GPC6: variants seen among roughly 807,000 people sequenced by gnomAD.
The protein encoded by GPC6 is glypican-6.
In GPC6, 14 loss-of-function variants were observed where a neutral mutation model predicts 55.2. The observed-to-expected ratio is 0.25, with a 90% CI of 0.17 to 0.40. The LOEUF (loss-of-function observed/expected upper bound fraction) is 0.40. Among genes scored for constraint, GPC6 ranks in the 10% least tolerant of loss-of-function variants. The pLI is 1.00. For missense variants in GPC6, 641 were observed against 708.5 expected (o/e 0.90, Z 1.08); for synonymous variants, 278 against 259.6 (o/e 1.07, Z -0.68).
chr13:93,680,042 T>G (rs939080478), intron 2 of GPC6, among the ~76,000 whole-genome samples: 1 of 152,132 alleles, frequency 6.6e-6, no homozygotes, highest in Non-Finnish European at 1.5e-5. Flanking sequence ...GGGACTCTTA[T>G]GGGTTGAATC....
intron 2 of GPC6, among the ~76,000 whole-genome samples, chr13:93,702,801 C>G (rs565827457): frequency 1.3e-3 from 205 of 152,044 alleles, no homozygotes; most frequent in African/African-American, 4.8e-3. Flanking sequence ...GTGTAACCTC[C>G]TCACCTCTCT....
chr13:94,164,058 G>C (rs1454149445), intron 4 of GPC6, among the ~76,000 whole-genome samples: 1 of 152,096 alleles, frequency 6.6e-6, no homozygotes, highest in Non-Finnish European at 1.5e-5. Context: ...GAGAAACAAA[G>C]AAGAAAAATA....
intron 2 of GPC6, among the ~76,000 whole-genome samples, chr13:93,590,778 A>C (rs1293904337): frequency 6.6e-6 from 1 of 152,154 alleles, no homozygotes; most frequent in Non-Finnish European, 1.5e-5. Flanking sequence ...AAACTTTGTA[A>C]GCCTTTAACA....
At chr13:93,830,585 GT>G in intron 3 of GPC6, 40 bp downstream of exon 3, 1 of 432,990 alleles carries the variant, frequency 2.3e-6, no homozygotes, top group Non-Finnish European at 3.7e-6. Context: ...GGTGTTCCTT[GT>G]TTATTCTGTT....
chr13:93,523,040 TAC>T (rs549435033), intron 1 of GPC6, among the ~76,000 whole-genome samples: 183 of 150,068 alleles, frequency 1.2e-3, no homozygotes, highest in East Asian at 4.9e-3. Context: ...TACAAATACA[TAC>T]ACACACACAC....
intron 4 of GPC6, among the ~76,000 whole-genome samples, chr13:94,043,787 C>A (rs548315431): frequency 1.3e-5 from 2 of 151,568 alleles, no homozygotes; most frequent in East Asian, 3.9e-4. Flanking sequence ...ATATATTGAC[C>A]AGCGAGAGCA....
intron 1 of GPC6, among the ~76,000 whole-genome samples, chr13:93,467,805 G>A (rs1452182999): frequency 2.6e-5 from 4 of 151,666 alleles, no homozygotes; most frequent in Non-Finnish European, 5.9e-5. Context: ...TGCACAGGCT[G>A]GTCTCGAATT....
At position 93,653,824 on chromosome 13, in the gene GPC6, A is replaced by T. The variant is rs563876880; in HGVS notation, c.319+108403A>T. 1.3e-3 allele frequency among the ~76,000 whole-genome samples: 203 copies of T among 152,286 alleles called. 1 individual carries two copies. Among genetic ancestry groups the T allele is most frequent in the African/African-American group, 4.7e-3 (197 of 41,552 alleles). Reference sequence around the variant, plus strand: ...ATTGTCAAGTAATAAAAATAGTTTTAGTTACTTATAATTTTACCTCAAAGA... The same window carrying T: ...ATTGTCAAGTAATAAAAATAGTTTTTGTTACTTATAATTTTACCTCAAAGA... On this transcript the variant is annotated intron_variant, in intron 2 of 8. Transcript: ENST00000377047.
chr13:93,685,894 T>C (rs1214947220), intron 2 of GPC6, among the ~76,000 whole-genome samples: 1 of 152,182 alleles, frequency 6.6e-6, no homozygotes, highest in Non-Finnish European at 1.5e-5. Flanking sequence ...TTTCAGATTA[T>C]GAATTTTGGA....
chr13:93,508,552 G>A (rs1880820719), intron 1 of GPC6, among the ~76,000 whole-genome samples: 1 of 152,192 alleles, frequency 6.6e-6, no homozygotes, highest in Non-Finnish European at 1.5e-5. Flanking sequence ...AACTTTGAAA[G>A]TTTTGAGTGA....
intron 2 of GPC6, among the ~76,000 whole-genome samples, chr13:93,632,382 G>A (rs1879484793): frequency 6.6e-6 from 1 of 152,002 alleles, no homozygotes. Flanking sequence ...AGCTCAGGCA[G>A]GTGGATCGCT....
intron 3 of GPC6, among the ~76,000 whole-genome samples, chr13:93,998,495 T>C (rs1036711817): frequency 1.3e-5 from 2 of 152,160 alleles, no homozygotes; most frequent in African/African-American, 4.8e-5. Context: ...CCTTCTTTAC[T>C]TCCCTCTGCT....
At chr13:94,084,552 A>G (rs1186724571) in intron 4 of GPC6, among the ~76,000 whole-genome samples, 1 of 152,024 alleles carries the variant, frequency 6.6e-6, no homozygotes, top group Non-Finnish European at 1.5e-5. Context: ...AATGTCAGTT[A>G]AATGCTCCAT....
intron 3 of GPC6, among the ~76,000 whole-genome samples, chr13:93,838,221 C>T (rs1887814744): frequency 6.6e-6 from 1 of 152,080 alleles, no homozygotes; most frequent in Non-Finnish European, 1.5e-5. Flanking sequence ...CGAAGAGAGA[C>T]ATTATGAAAA....
At chr13:93,430,549 A>C (rs1420322094) in intron 1 of GPC6, among the ~76,000 whole-genome samples, 1 of 152,130 alleles carries the variant, frequency 6.6e-6, no homozygotes, top group African/African-American at 2.4e-5. Flanking sequence ...TAGAGAGATA[A>C]GGCAGATTGA....
intron 3 of GPC6, among the ~76,000 whole-genome samples, chr13:93,845,763 C>T (rs969324312): frequency 1.8e-4 from 27 of 147,178 alleles, no homozygotes; most frequent in Non-Finnish European, 3.7e-4. Flanking sequence ...TATTCTCACT[C>T]ATAGGTGGGA....
At chr13:94,012,949 C>T (rs780403663) in intron 3 of GPC6, among the ~76,000 whole-genome samples, 2 of 152,180 alleles carry the variant, frequency 1.3e-5, no homozygotes, top group Non-Finnish European at 2.9e-5. Flanking sequence ...AGGAAGACAA[C>T]TATTTCCTGA....
intron 7 of GPC6, among the ~76,000 whole-genome samples, chr13:94,386,418 C>G (rs1215586655): frequency 6.6e-6 from 1 of 151,100 alleles, no homozygotes; most frequent in Non-Finnish European, 1.5e-5. Flanking sequence ...TAGTGAGACC[C>G]TGTCTCTACA....
chr13:93,686,917 A>G (rs141954280), intron 2 of GPC6, among the ~76,000 whole-genome samples: 1 of 152,164 alleles, frequency 6.6e-6, no homozygotes, highest in African/African-American at 2.4e-5. Flanking sequence ...TGAGCTGAAC[A>G]TTTTTATATG....
Sources: allele counts gnomAD v4.1 joint callset (sites outside exome capture counted in the v4.1 genomes callset), GRCh38; gene constraint gnomAD v4.1.1; transcripts MANE v1.5; gene names NCBI Gene and HGNC (gene_info 2026-07-23, HGNC 2026-07-21).